Variants in PDE7A observed in about 807,000 individuals in gnomAD.
The protein encoded by PDE7A is high affinity 3',5'-cyclic-AMP phosphodiesterase 7A.
Under a neutral mutation model 64.3 loss-of-function variants are expected in PDE7A, and 39 were observed. The ratio of observed to expected loss-of-function variants is 0.61; its 90% CI spans 0.47 to 0.79. PDE7A has a LOEUF of 0.79. PDE7A is among the 30% of genes least tolerant of loss of function. PDE7A has a pLI of 0.00. For synonymous variants in PDE7A, 203 were observed against 206.8 expected (o/e 0.98, Z 0.16); for missense variants, 470 against 582.8 (o/e 0.81, Z 1.99).
At position 65,715,456 on chromosome 8, in the gene PDE7A, C is replaced by G. The variant is rs1158275132; in HGVS notation, c.*3834G>C. On this transcript the variant is annotated 3_prime_UTR_variant, in exon 13 of 13. Transcript: ENST00000401827. ...GCAGTAGCACAATCTCTGCTCCTTG[C>G]AACCTCCGCCACCTGGGTTCAAGCA... Among the ~76,000 whole-genome samples the G allele has an allele frequency of 6.6e-6, 1 of 151,310 alleles. No individual in the cohort carries two copies. The highest frequency in any genetic ancestry group is 2.4e-5 in the African/African-American group (1 of 41,204).
intron 1 of PDE7A, among the ~76,000 whole-genome samples, chr8:65,797,088 T>C (rs1387075874): frequency 1.3e-5 from 2 of 152,160 alleles, no homozygotes; most frequent in Non-Finnish European, 2.9e-5. Context: ...ATCATAACCA[T>C]AAACATAAAA....
intron 1 of PDE7A, chr8:65,789,169 T>C (rs1470304251): frequency 3.9e-6 from 3 of 772,880 alleles, no homozygotes; most frequent in Non-Finnish European, 5.5e-6. Flanking sequence ...AACCGCAGGG[T>C]TGGGGTAGAA....
intron 6 of PDE7A, among the ~76,000 whole-genome samples, chr8:65,737,592 C>G (rs190157650): frequency 1.1e-3 from 163 of 152,262 alleles, no homozygotes; most frequent in Non-Finnish European, 2.0e-3. Flanking sequence ...CTCTCTCTCT[C>G]AATCTCACCT....
chr8:65,752,865 T>A (rs1808032269), intron 3 of PDE7A, among the ~76,000 whole-genome samples: 2 of 152,222 alleles, frequency 1.3e-5, no homozygotes, highest in South Asian at 4.1e-4. Context: ...CTCATTTCTA[T>A]CCACTATAAC....
intron 1 of PDE7A, among the ~76,000 whole-genome samples, chr8:65,796,602 T>C (rs1252585180): frequency 1.3e-5 from 2 of 152,112 alleles, no homozygotes; most frequent in East Asian, 1.9e-4. Flanking sequence ...AATCATACAA[T>C]CAGTTCAATT....
chr8:65,813,315 A>G (rs1810301225), intron 1 of PDE7A, among the ~76,000 whole-genome samples: 1 of 152,178 alleles, frequency 6.6e-6, no homozygotes, highest in African/African-American at 2.4e-5. Flanking sequence ...TGAAAGTACT[A>G]TTAAAAAAAA....
intron 1 of PDE7A, among the ~76,000 whole-genome samples, chr8:65,814,458 C>T (rs2128930706): frequency 7.5e-6 from 1 of 133,944 alleles, no homozygotes; most frequent in African/African-American, 2.8e-5. Flanking sequence ...TTGCAGTGAG[C>T]CGAGATCCCG....
intron 1 of PDE7A, among the ~76,000 whole-genome samples, chr8:65,801,450 T>C (rs1809983701): frequency 6.6e-6 from 1 of 152,186 alleles, no homozygotes; most frequent in Non-Finnish European, 1.5e-5. Context: ...CAAATTAAAG[T>C]GGGTGAACCT....
chr8:65,734,347 CT>C (rs1807032986), intron 7 of PDE7A, among the ~76,000 whole-genome samples: 1 of 152,228 alleles, frequency 6.6e-6, no homozygotes, highest in South Asian at 2.1e-4. Flanking sequence ...CCACTCTGCT[CT>C]CTTCCATGGA....
At chr8:65,729,364 CTTTTTTTTTTTT>C (rs10540107) in intron 7 of PDE7A, among the ~76,000 whole-genome samples, 6 of 80,080 alleles carry the variant, frequency 7.5e-5, no homozygotes, top group African/African-American at 3.1e-4. Flanking sequence ...TTGGTGGTAG[CTTTTTTTTTTTT>C]TTTTTTTTTT....
At chr8:65,814,171 G>C (rs571587836) in intron 1 of PDE7A, among the ~76,000 whole-genome samples, 7 of 152,246 alleles carry the variant, frequency 4.6e-5, no homozygotes, top group Admixed American at 1.3e-4. Flanking sequence ...AGATGTGCAA[G>C]ATACATTTAT....
chr8:65,801,267 G>A (rs1163223796), intron 1 of PDE7A, among the ~76,000 whole-genome samples: 1 of 152,092 alleles, frequency 6.6e-6, no homozygotes, highest in Non-Finnish European at 1.5e-5. Flanking sequence ...TCCAACAATG[G>A]ACTAGTTTAG....
intron 12 of PDE7A, chr8:65,723,337 C>G (rs897264745): frequency 1.1e-5 from 4 of 374,640 alleles, no homozygotes; most frequent in Non-Finnish European, 1.8e-5. Flanking sequence ...GCTGCCTGTT[C>G]TGCAAAAATA....
chr8:65,816,504 G>T (rs951329561), intron 1 of PDE7A, among the ~76,000 whole-genome samples: 3 of 152,248 alleles, frequency 2.0e-5, no homozygotes, highest in South Asian at 2.1e-4. Flanking sequence ...TCAACCTAAA[G>T]AACTTAATCT....
At chr8:65,721,690 TC>T (rs1410830532) in intron 12 of PDE7A, 1 of 152,156 alleles carries the variant, frequency 6.6e-6, no homozygotes, top group Non-Finnish European at 1.5e-5. Flanking sequence ...TTGCAAGTTC[TC>T]CCATTAAGCA....
intron 1 of PDE7A, among the ~76,000 whole-genome samples, chr8:65,803,147 T>C (rs1379739398): frequency 6.6e-6 from 1 of 152,216 alleles, no homozygotes; most frequent in Non-Finnish European, 1.5e-5. Flanking sequence ...GGTATTTCTT[T>C]GTAGCAAAGC....
chr8:65,758,255 A>C (rs939801939), intron 3 of PDE7A, among the ~76,000 whole-genome samples: 43 of 152,108 alleles, frequency 2.8e-4, no homozygotes, highest in African/African-American at 1.0e-3. Flanking sequence ...GGCACAACCC[A>C]CCCCCATCAG....
intron 1 of PDE7A, among the ~76,000 whole-genome samples, chr8:65,795,229 A>C (rs1332048662): frequency 2.0e-5 from 3 of 152,196 alleles, no homozygotes; most frequent in African/African-American, 7.2e-5. Flanking sequence ...GAATGGAAAA[A>C]ACCAAGGTAA....
intron 6 of PDE7A, 30 bp from the exon 7 acceptor site, chr8:65,734,924 T>C (rs772385966): frequency 5.1e-6 from 7 of 1,366,132 alleles, no homozygotes; most frequent in East Asian, 4.6e-5. Flanking sequence ...CCCGATTTTA[T>C]TGTATATGAG....
Sources: gnomAD v4.1 joint callset for allele counts (sites outside exome capture counted in the v4.1 genomes callset) on GRCh38, gnomAD v4.1.1 for gene constraint, MANE v1.5 for transcripts, NCBI Gene and HGNC (gene_info 2026-07-23, HGNC 2026-07-21) for gene names.